Variants in ZBED6 observed in about 807,000 individuals in gnomAD.
ZBED6 encodes zinc finger BED domain-containing protein 6.
A neutral mutation model predicts 58.4 loss-of-function variants in ZBED6; 40 were observed. That is an observed-to-expected ratio of 0.68 (90% CI 0.53 to 0.89). The LOEUF (loss-of-function observed/expected upper bound fraction) is 0.89, where lower values mean the gene tolerates loss of function less well. ZBED6 is among the 40% of genes least tolerant of loss of function. The pLI, the probability that ZBED6 is intolerant of heterozygous loss-of-function variation, is 0.00. For missense variants in ZBED6, 1,057 were observed against 1,003.9 expected (o/e 1.05, Z -0.71); for synonymous variants, 439 against 350.6 (o/e 1.25, Z -2.82).
intron 1 of ZBED6, among the ~76,000 whole-genome samples, chr1:203,814,583 A>G (rs1675625021): frequency 6.6e-6 from 1 of 152,088 alleles, no homozygotes; most frequent in Non-Finnish European, 1.5e-5. Context: ...CTAATTTCTG[A>G]CTGAAACCTC....
chr1:203,800,113 T>C lies in ZBED6; in HGVS notation c.2591T>C (p.Val864Ala), dbSNP rs558452194. 263 of 1,536,146 alleles carry C rather than the reference T, an allele frequency of 1.7e-4. 1 individual carries two copies. The East Asian group carries it at 4.6e-3, about 27-fold the overall frequency. Reference sequence around the variant, plus strand: ...AAAAGCTTCATGTTCCCTTCTGCTGTAGCAGTTGTGGATGAGTACTTCAAA... The same window carrying C: ...AAAAGCTTCATGTTCCCTTCTGCTGCAGCAGTTGTGGATGAGTACTTCAAA... Residue 864 changes from valine to alanine, a missense_variant, in exon 1 of 17, where the codon GTA becomes GCA. Val to Ala is a moderately conservative substitution (Grantham distance 64). Transcript: ENST00000550078.
chr1:203,843,541 A>T (rs546685980), intron 11 of ZBED6, among the ~76,000 whole-genome samples: 1 of 152,178 alleles, frequency 6.6e-6, no homozygotes, highest in South Asian at 2.1e-4. Context: ...AAAGGGTCGG[A>T]TATAAATAAC....
chr1:203,808,655 A>C (rs1411954926), intron 1 of ZBED6, among the ~76,000 whole-genome samples: 2 of 152,052 alleles, frequency 1.3e-5, no homozygotes, highest in African/African-American at 4.8e-5. Flanking sequence ...GGATTCGTGG[A>C]GATGTCGTGT....
chr1:203,825,964 T>C (rs1680387068), intron 3 of ZBED6, among the ~76,000 whole-genome samples: 1 of 152,184 alleles, frequency 6.6e-6, no homozygotes, highest in Non-Finnish European at 1.5e-5. Flanking sequence ...ATCAAATAAA[T>C]GTCATGTGAC....
exon 1 of ZBED6, chr1:203,801,328 A>T (rs1670500862): frequency 1.3e-5 from 2 of 152,192 alleles, no homozygotes; most frequent in African/African-American, 4.8e-5. Flanking sequence ...ATTATACTGT[A>T]TTAACTGTGC....
chr1:203,827,300 CA>C (rs1680833144), intron 3 of ZBED6, among the ~76,000 whole-genome samples: 1 of 151,610 alleles, frequency 6.6e-6, no homozygotes, highest in African/African-American at 2.4e-5. Context: ...TTTTCTAGGA[CA>C]TACATCCTAT....
At chr1:203,841,983 G>T (rs1374711972) in intron 11 of ZBED6, among the ~76,000 whole-genome samples, 1 of 146,946 alleles carries the variant, frequency 6.8e-6, no homozygotes, top group African/African-American at 2.6e-5. Context: ...GGGCAGAGGG[G>T]CTCCTCACAT....
chr1:203,851,646 A>T (rs1166271859), intron 16 of ZBED6, among the ~76,000 whole-genome samples: 3 of 152,090 alleles, frequency 2.0e-5, no homozygotes, highest in Non-Finnish European at 2.9e-5. Flanking sequence ...AGATGTCTTT[A>T]ACACCTACTT....
At chr1:203,847,197 A>G in exon 12 of ZBED6, 1 of 1,612,992 alleles carries the variant, frequency 6.2e-7, no homozygotes, top group Non-Finnish European at 8.5e-7. Context: ...AAGTTAATAA[A>G]GTTGGTGAGA....
chr1:203,829,351 TA>T, intron 4 of ZBED6, 99 bp from the exon 5 acceptor site: 1 of 1,197,370 alleles, frequency 8.4e-7, no homozygotes. Context: ...TAAATGCTCA[TA>T]AGACAAATAC....
chr1:203,804,744 C>G (rs2102489333), intron 1 of ZBED6, among the ~76,000 whole-genome samples: 1 of 148,386 alleles, frequency 6.7e-6, no homozygotes, highest in East Asian at 2.0e-4. Context: ...GCTGTCTTGG[C>G]TCATTGCAAC....
intron 14 of ZBED6, 40 bp from the exon 15 acceptor site, chr1:203,850,475 C>G: frequency 6.2e-6 from 10 of 1,610,112 alleles, no homozygotes; most frequent in Non-Finnish European, 8.5e-6. Context: ...TTAAAAGAGT[C>G]TATTCTCACT....
At chr1:203,839,934 T>G (rs6700156) in intron 10 of ZBED6, among the ~76,000 whole-genome samples, 19,060 of 151,148 alleles carry the variant, frequency 0.13, 1,373 homozygotes, top group Non-Finnish European at 0.14. Flanking sequence ...CTCCAGAGTA[T>G]CTGAGATTAC....
In ZBED6 at chr1:203,842,921, C is replaced by T. The variant is rs975509394; in HGVS notation, c.*3741+2547C>T. ...ATGAACATCCATGTATTCAGCCTTC[C>T]GTCTTTTTTTTTTTAATACCTTGCT... On this transcript the variant is annotated intron_variant, in intron 11 of 16. Transcript: ENST00000550078. 1.6e-4 allele frequency among the ~76,000 whole-genome samples: 11 copies of T among 69,488 alleles called. 1 individual carries two copies. The South Asian group carries it at 2.0e-3, about 13-fold the overall frequency. 45.6% of individuals were successfully genotyped at this position (69,488 alleles called of 152,430 possible). A position where few individuals can be genotyped will look rare whatever the true frequency, so the allele number is the denominator to read the frequency against.
intron 12 of ZBED6, 94 bp downstream of exon 12, chr1:203,847,781 T>A: frequency 6.6e-7 from 1 of 1,511,390 alleles, no homozygotes. Context: ...TTGACAACCT[T>A]TCTTTACTCA....
chr1:203,851,861 TGGGAGGCGGA>T (rs1689363201), intron 16 of ZBED6, among the ~76,000 whole-genome samples: 1 of 149,970 alleles, frequency 6.7e-6, no homozygotes, highest in Non-Finnish European at 1.5e-5. Context: ...CCCAGCTACT[TGGGAGGCGGA>T]GGCAAAATGA....
chr1:203,805,592 T>C (rs1387805968), intron 1 of ZBED6: 1 of 629,392 alleles, frequency 1.6e-6, no homozygotes, highest in Non-Finnish European at 3.1e-6. Context: ...CATAATATGT[T>C]TTACATGATG....
exon 1 of ZBED6, chr1:203,801,977 C>T (rs1311208683): frequency 3.9e-5 from 6 of 152,630 alleles, no homozygotes; most frequent in Non-Finnish European, 5.9e-5. Flanking sequence ...GCTGCGTAAG[C>T]AAGCCTTTCC....
At position 203,798,669 on chromosome 1, in the gene ZBED6, A is replaced by G. The variant is rs941775801; in HGVS notation, c.1147A>G (p.Ile383Val). Residue 383 changes from isoleucine to valine, a missense_variant, in exon 1 of 17, where the codon ATT becomes GTT. Ile to Val is a conservative substitution (Grantham distance 29). Transcript: ENST00000550078. ...GGTTGAAAACAGATCTGAAAGTCCT[A>G]TTCCCGTTGCAGAGCAAGGCACTCT... 18 of 1,536,034 alleles carry G rather than the reference A, an allele frequency of 1.2e-5. No homozygotes were observed. The African/African-American group carries it at 1.8e-4, about 15-fold the overall frequency.
Sources: allele counts gnomAD v4.1 joint callset (sites outside exome capture counted in the v4.1 genomes callset), GRCh38; gene constraint gnomAD v4.1.1; transcripts MANE v1.5; gene names NCBI Gene and HGNC (gene_info 2026-07-23, HGNC 2026-07-21).